CHTF18: variants seen among roughly 807,000 people sequenced by gnomAD.
CHTF18 encodes the protein chromosome transmission fidelity factor 18, also known as chromosome transmission fidelity protein 18 homolog.
A neutral mutation model predicts 113.4 loss-of-function variants in CHTF18; 151 were observed. The observed-to-expected ratio is 1.33, with a 90% CI of 1.17 to 1.52. The LOEUF is 1.52. Among genes scored for constraint, CHTF18 ranks in the 40% most tolerant of loss-of-function variants. The pLI, the probability that CHTF18 is intolerant of heterozygous loss-of-function variation, is 0.00. For synonymous variants in CHTF18, 916 were observed against 598.8 expected (o/e 1.53, Z -7.74); for missense variants, 1,982 against 1,381.6 (o/e 1.43, Z -6.89).
rs1224283649 is a variant in CHTF18, at chr16:790,218, G to A, written c.648G>A (p.Leu216=). 2 of 1,605,554 alleles carry A rather than the reference G, an allele frequency of 1.2e-6. No homozygotes were observed. Among genetic ancestry groups the A allele is most frequent in the Admixed American group, 3.4e-5 (2 of 59,082 alleles). The change falls in exon 5 of 22, where the codon CTG becomes CTA. Residue 216 remains leucine, a synonymous_variant. Coordinates refer to ENST00000262315, the MANE Select transcript of CHTF18 (RefSeq NM_022092.3). ...LHVPWRGGGQ[L]DLLGVSLASL... is the part of the protein sequence containing the mutation. ...TCCCATGGCGAGGCGGTGGCCAGCT[G>A]GACCTGCTGGGTGTGTCCTTAGCCT...
chr16:788,928 C>T lies in CHTF18; in HGVS notation c.92-3C>T, dbSNP rs914184194. On this transcript the variant is annotated splice_polypyrimidine_tract_variant and splice_region_variant and intron_variant, in intron 1 of 21. Coordinates refer to ENST00000262315, the MANE Select transcript of CHTF18 (RefSeq NM_022092.3). ...GGCCGCTGACAATCTCCTCTCCCAG[C>T]AGGGGCGTCGACTCCGTCGCCCTCC... The T allele has an allele frequency of 1.4e-5, 21 of 1,543,932 alleles. No homozygotes were observed. Among genetic ancestry groups the T allele is most frequent in the Middle Eastern group, 2.3e-4 (1 of 4,318 alleles).
At chr16:794,659 C>T in intron 15 of CHTF18, 1 of 229,708 alleles carries the variant, frequency 4.4e-6, no homozygotes, top group Non-Finnish European at 8.6e-6. Flanking sequence ...TGGGGATCCA[C>T]AACCAATCCC....
chr16:793,915 G>A lies in CHTF18; in HGVS notation c.1803-139G>A, dbSNP rs2042268095. 2.7e-5 allele frequency: 26 copies of A among 954,942 alleles called. No individual in the cohort carries two copies. The South Asian group carries it at 3.8e-4, about 14-fold the overall frequency. 59.2% of individuals were successfully genotyped at this position (954,942 alleles called of 1,614,324 possible). On this transcript the variant is annotated intron_variant, in intron 14 of 21. Coordinates refer to ENST00000262315, the MANE Select transcript of CHTF18 (RefSeq NM_022092.3). ...GGCGTGTCTTTGGCTGTCTCCACCT[G>A]AGCGAGGCAGCAAGGGCCCTGCTGA... is the stretch of plus-strand genomic sequence containing the variant.
rs747524397 is a variant in CHTF18 at position 789,614 on chromosome 16, A to C, written c.505A>C (p.Arg169=). The C allele has an allele frequency of 3.1e-6, 5 of 1,609,152 alleles. No homozygotes were observed. In the South Asian group the frequency reaches 3.3e-5, roughly 11 times the overall value. Residue 169 remains arginine, a synonymous_variant, in exon 4 of 22, where the codon AGG becomes CGG. Coordinates refer to ENST00000262315, the MANE Select transcript of CHTF18 (RefSeq NM_022092.3). ...ASPAARNPVL[R]RPPILEDYVH... is the part of the protein sequence containing the mutation. The stretch of plus-strand genomic sequence containing the variant: ...ACCAGCTGCCCGCAATCCCGTCCTG[A>C]GGCGGCCCCCCATCTTGGAGGACTA...
rs377379965 is a variant in CHTF18 at position 794,117 on chromosome 16, G to C, written c.1866G>C (p.Ala622=). 2.5e-6 allele frequency: 4 copies of C among 1,612,252 alleles called. No homozygotes were observed. In the African/African-American group the frequency reaches 5.3e-5, roughly 22 times the overall value. The change falls in exon 15 of 22, where the codon GCG becomes GCC. Residue 622 remains alanine, a synonymous_variant. Transcript: ENST00000262315. Reference sequence around the variant, plus strand: ...CACTCCTGCTGGGTGACGGGGACGCGGGCTCCCTCACCTCCGCCTCACAGC... The same window carrying C: ...CACTCCTGCTGGGTGACGGGGACGCCGGCTCCCTCACCTCCGCCTCACAGC... ...ADTLLLGDGD[A]GSLTSASQRF...
At position 793,006 on chromosome 16, in the gene CHTF18, T is replaced by G. The variant is rs1173206595; in HGVS notation, c.1613T>G (p.Leu538Arg). 2 of 1,533,964 alleles carry G rather than the reference T, an allele frequency of 1.3e-6. No homozygotes were observed. Among genetic ancestry groups the G allele is most frequent in the South Asian group, 2.4e-5 (2 of 84,374 alleles). ...GGCATGAGGGCCGACCCAGGGGTGC[T>G]GGCCGCCCTCTGTGAGAAAACTGAC... ...RQGMRADPGV[L>R]AALCEKTDND... Residue 538 changes from leucine to arginine, a missense_variant, in exon 13 of 22, where the codon CTG (leucine) becomes CGG (arginine). By Grantham distance (102) the Leu-to-Arg change is moderately radical. Transcript: ENST00000262315.
rs765362941 is a variant in CHTF18, at chr16:791,372, T to G, written c.1104+2T>G. 6.3e-7 allele frequency: 1 copy of G among 1,596,328 alleles called. No homozygotes were observed. The highest frequency in any genetic ancestry group is 1.1e-5 in the South Asian group (1 of 89,622). ...CCGAGCCAGCGACCGAAGCAGAAGG[T>G]GAGCCCCGCTGGCTGTGCCGCCGGG... On this transcript the variant is annotated splice_donor_variant, in intron 8 of 21. Coordinates refer to ENST00000262315, the MANE Select transcript of CHTF18 (RefSeq NM_022092.3). LOFTEE classifies it high-confidence loss of function.
At position 792,309 on chromosome 16, in the gene CHTF18, A is replaced by G. The variant is rs1205256707; in HGVS notation, c.1288A>G (p.Asn430Asp). The change falls in exon 10 of 22, where the codon AAC becomes GAC. Residue 430 changes from asparagine (N) to aspartate (D), a missense_variant. Coordinates refer to ENST00000262315, the MANE Select transcript of CHTF18 (RefSeq NM_022092.3). ...GGTGCTGGGTGCTGGCGGGAAGCCC[A>G]ACTGCCTGGTCATCGATGAGATCGA... is the stretch of plus-strand genomic sequence containing the variant. ...ESVLGAGGKPNCLVIDEIDGA... is the reference protein window; with the variant it reads ...ESVLGAGGKPDCLVIDEIDGA... The G allele has an allele frequency of 1.3e-6, 2 of 1,553,530 alleles. No homozygotes were observed. Among genetic ancestry groups the G allele is most frequent in the Admixed American group, 3.9e-5 (2 of 51,338 alleles).
At position 797,175 on chromosome 16, in the gene CHTF18, G is replaced by A. The variant is rs1162538683; in HGVS notation, c.2733+83G>A. On this transcript the variant is annotated intron_variant, in intron 20 of 21. Transcript: ENST00000262315. ...TAGGGCAGTCATGAGGCGGGGCCAA[G>A]GCACCCATGGGGTGGGGCCAGGGTA... 6 of 1,420,222 alleles carry A rather than the reference G, an allele frequency of 4.2e-6. No homozygotes were observed. The African/African-American group carries it at 7.3e-5, about 17-fold the overall frequency. The allele number at this position is 1,420,222 out of a possible 1,614,324, so 88.0% of individuals were successfully genotyped here. A position where few individuals can be genotyped will look rare whatever the true frequency, so the allele number is the denominator to read the frequency against.
At chr16:793,444 C>T (rs899459895) in intron 14 of CHTF18, among the ~76,000 whole-genome samples, 170 bp downstream of exon 14, 5 of 152,134 alleles carry the variant, frequency 3.3e-5, no homozygotes, top group South Asian at 2.1e-4. Flanking sequence ...GGCTTGTTCT[C>T]GCCCCTACAG....
In CHTF18 at chr16:794,210, C is replaced by A; in HGVS notation, c.1950+9C>A. On this transcript the variant is annotated intron_variant, in intron 15 of 21. Transcript: ENST00000262315. ...ACGAGAAGGTGGTCCAGGTACCTGT[C>A]TTCCACCAAAATGCCTGCCTGGGGC... The A allele has an allele frequency of 6.2e-7, 1 of 1,608,194 alleles. No homozygotes were observed. Among genetic ancestry groups the A allele is most frequent in the Non-Finnish European group, 8.5e-7 (1 of 1,176,414 alleles).
chr16:788,801 G>T, intron 1 of CHTF18, 26 bp downstream of exon 1: 1 of 1,577,546 alleles, frequency 6.3e-7, no homozygotes, highest in Non-Finnish European at 8.6e-7. Flanking sequence ...CGGCCGTTGG[G>T]GAGGAGCTGC....
At chr16:795,462 C>T in intron 16 of CHTF18, 106 bp downstream of exon 16, 1 of 408,368 alleles carries the variant, frequency 2.4e-6, no homozygotes. Context: ...AACACACTGC[C>T]CGTGTGGCTG....
At chr16:791,403 G>T (rs769869083) in intron 8 of CHTF18, 33 bp downstream of exon 8, 4 of 1,564,008 alleles carry the variant, frequency 2.6e-6, no homozygotes, top group Non-Finnish European at 3.5e-6. Flanking sequence ...CCGGGAACAA[G>T]CCTGAGGCTT....
rs569233413 is a variant in CHTF18, at chr16:791,404, C to T, written c.1104+34C>T. ...CGCTGGCTGTGCCGCCGGGAACAAG[C>T]CTGAGGCTTTGCACTCGGCGCCGGC... On this transcript the variant is annotated intron_variant, in intron 8 of 21. Coordinates refer to ENST00000262315, the MANE Select transcript of CHTF18 (RefSeq NM_022092.3). 5 of 1,562,982 alleles carry T rather than the reference C, an allele frequency of 3.2e-6. No individual in the cohort carries two copies. In the Admixed American group the frequency reaches 5.4e-5, roughly 17 times the overall value.
chr16:789,904 A>G (rs1368182937), intron 4 of CHTF18, 189 bp downstream of exon 4: 19 of 1,428,502 alleles, frequency 1.3e-5, no homozygotes, highest in Non-Finnish European at 1.8e-5. Context: ...GTTGCTGTCC[A>G]GCCTGTTTGT....
Position 788,652 on chromosome 16 carries a change from G to C in CHTF18, c.-33G>C. ...GCGCGACGGCGGCGGCGGCGCGGGAGGTTCGGAGCGGGAGCTCGGGCTCGC... is the reference window on the plus strand; with the variant it reads ...GCGCGACGGCGGCGGCGGCGCGGGACGTTCGGAGCGGGAGCTCGGGCTCGC... On this transcript the variant is annotated 5_prime_UTR_variant, in exon 1 of 22. Coordinates refer to ENST00000262315, the MANE Select transcript of CHTF18 (RefSeq NM_022092.3). 1 of 1,473,716 alleles carries C rather than the reference G, an allele frequency of 6.8e-7. No individual in the cohort carries two copies. 91.3% of individuals were successfully genotyped at this position (1,473,716 alleles called of 1,614,324 possible).
chr16:792,094 C>T lies in CHTF18; in HGVS notation c.1203-130C>T, dbSNP rs556756269. 334 of 1,528,314 alleles carry T rather than the reference C, an allele frequency of 2.2e-4. 1 individual carries two copies. The highest frequency in any genetic ancestry group is 1.2e-3 in the East Asian group (47 of 40,602). 94.7% of individuals were successfully genotyped at this position (1,528,314 alleles called of 1,614,324 possible). ...TGGGCCGGGAAAACGTGTCCTTCCTCGGGGTTCACGGGATCGGCAGCAGCC... is the reference window on the plus strand; with the variant it reads ...TGGGCCGGGAAAACGTGTCCTTCCTTGGGGTTCACGGGATCGGCAGCAGCC... On this transcript the variant is annotated intron_variant, in intron 9 of 21. Transcript: ENST00000262315.
intron 9 of CHTF18, 132 bp from the exon 10 acceptor site, chr16:792,092 C>T (rs2042212791): frequency 4.6e-6 from 7 of 1,532,012 alleles, no homozygotes; most frequent in Non-Finnish European, 6.1e-6. Context: ...CGTGTCCTTC[C>T]TCGGGGTTCA....
Sources: allele counts gnomAD v4.1 joint callset (sites outside exome capture counted in the v4.1 genomes callset), GRCh38; gene constraint gnomAD v4.1.1; transcripts MANE v1.5; gene names NCBI Gene and HGNC (gene_info 2026-07-23, HGNC 2026-07-21).